Variants in INSR observed in about 807,000 individuals in gnomAD.
INSR encodes the protein IR.
In INSR, 67 loss-of-function variants were observed where a neutral mutation model predicts 142.6. The ratio of observed to expected loss-of-function variants is 0.47; its 90% confidence interval spans 0.39 to 0.58. The LOEUF is 0.58. Among genes scored for constraint, INSR ranks in the 20% least tolerant of loss-of-function variants. The pLI is 0.00. For missense variants in INSR, 1,248 were observed against 1,833.2 expected, an observed-to-expected ratio of 0.68 and a Z score of 5.83; for synonymous variants, 756 against 743.1, an observed-to-expected ratio of 1.02 and a Z score of -0.28.
rs1227754558 is a variant in INSR at position 7,267,278 on chromosome 19, T to C, written c.652+67A>G. 2 of 1,545,644 alleles carry C rather than the reference T, an allele frequency of 1.3e-6. No homozygotes were observed. Among genetic ancestry groups the C allele is most frequent in the African/African-American group, 1.4e-5 (1 of 73,474 alleles). Reference sequence around the variant, plus strand: ...ATGACCATTTAACATTTTTAAGCCATAAAACATTTTAAGCTTTCTAGAACA... The same window carrying C: ...ATGACCATTTAACATTTTTAAGCCACAAAACATTTTAAGCTTTCTAGAACA... On this transcript the variant is annotated intron_variant, in intron 2 of 21. Coordinates refer to ENST00000302850, the MANE Select transcript of INSR (RefSeq NM_000208.4). The surrounding 1 kb of genome is among the most constrained non-coding windows in gnomAD (Gnocchi z 6.3).
In INSR at chr19:7,197,918, AGTGTGTGT is replaced by A. The variant is rs71864058; in HGVS notation, c.653-13289_653-13282del. Among the ~76,000 whole-genome samples the A allele has an allele frequency of 2.5e-3, 253 of 100,276 alleles. 2 individuals are homozygous for A. The highest frequency in any genetic ancestry group is 2.6e-3 in the African/African-American group (65 of 25,280). 65.8% of individuals were successfully genotyped at this position (100,276 alleles called of 152,430 possible). On this transcript the variant is annotated intron_variant, in intron 2 of 21. Transcript: ENST00000302850. ...CAGGATTGGTCGGTTCCAGAGTGAG[AGTGTGTGT>A]GTGTGTGTGTGTGTGTGTGTGTCCC...
At chr19:7,195,920 TTCTTTTC>T (rs1291024714) in intron 2 of INSR, among the ~76,000 whole-genome samples, 13 of 90,746 alleles carry the variant, frequency 1.4e-4, no homozygotes, top group African/African-American at 5.7e-4. Context: ...AGAACTTTCT[TTCTTTTC>T]TTTCTTTTTT....
Position 7,166,221 on chromosome 19 carries a change from G to T in INSR, c.1794C>A (p.Thr598=), listed in dbSNP as rs1381723386. The T allele has an allele frequency of 3.1e-6, 5 of 1,613,940 alleles. No individual in the cohort carries two copies. The African/African-American group carries it at 6.7e-5, about 22-fold the overall frequency. Residue 598 remains threonine (T), a synonymous_variant, in exon 8 of 22, where the codon ACC becomes ACA. Coordinates refer to ENST00000302850, the MANE Select transcript of INSR (RefSeq NM_000208.4). This position sits in a 1 kb window ranked among gnomAD's most constrained non-coding sequence, Gnocchi z 4.1. The part of the protein sequence containing the change: ...QYAIFVKTLV[T]FSDERRTYGA... The stretch of plus-strand genomic sequence containing the variant: ...CATAGGTCCGGCGTTCATCCGAAAA[G>T]GTGACCAGGGTCTTCACAAAGATGG...
At chr19:7,242,174 G>A (rs918211906) in intron 2 of INSR, among the ~76,000 whole-genome samples, 29 of 150,370 alleles carry the variant, frequency 1.9e-4, no homozygotes, top group Non-Finnish European at 3.5e-4. Context: ...AAAGAAGAAG[G>A]AGGAGGAGAA....
chr19:7,206,312 C>T lies in INSR; in HGVS notation c.653-21675G>A, dbSNP rs186675082. Among the ~76,000 whole-genome samples, 319 of 151,464 alleles carry T rather than the reference C, an allele frequency of 2.1e-3. 1 individual carries two copies. The highest frequency in any genetic ancestry group is 7.3e-3 in the African/African-American group (301 of 41,256). ...CCTCCCAAGTAGCTGGGACTACAGGCACACACTTGTGATCCACACTCAGCT... is the reference window on the plus strand; with the variant it reads ...CCTCCCAAGTAGCTGGGACTACAGGTACACACTTGTGATCCACACTCAGCT... On this transcript the variant is annotated intron_variant, in intron 2 of 21. Coordinates refer to ENST00000302850, the MANE Select transcript of INSR (RefSeq NM_000208.4).
At chr19:7,208,524 A>C (rs1975179832) in intron 2 of INSR, among the ~76,000 whole-genome samples, 1 of 152,184 alleles carries the variant, frequency 6.6e-6, no homozygotes. Context: ...AGGCCACACA[A>C]ACCGTCATAA....
intron 13 of INSR, among the ~76,000 whole-genome samples, chr19:7,139,316 T>C (rs998095010): frequency 3.9e-5 from 6 of 152,228 alleles, no homozygotes; most frequent in Non-Finnish European, 4.4e-5. Context: ...AAGAACTGAC[T>C]GAAACAATAA....
chr19:7,201,715 T>C (rs1974960801), intron 2 of INSR, among the ~76,000 whole-genome samples: 1 of 139,358 alleles, frequency 7.2e-6, no homozygotes, highest in Admixed American at 7.2e-5. Flanking sequence ...CAGGCTGGAG[T>C]GCAGTGGCGC....
At chr19:7,204,195 A>T (rs996446407) in intron 2 of INSR, among the ~76,000 whole-genome samples, 1 of 143,894 alleles carries the variant, frequency 6.9e-6, no homozygotes, top group Non-Finnish European at 1.5e-5. Flanking sequence ...GGTGCCCAGC[A>T]CCATGCCCAA....
In INSR at chr19:7,116,700, CAAAAAAAA is replaced by C. The variant is rs71177157; in HGVS notation, c.*348_*355del. On this transcript the variant is annotated 3_prime_UTR_variant, in exon 22 of 22. Coordinates refer to ENST00000302850, the MANE Select transcript of INSR (RefSeq NM_000208.4). ...TTTTATACTGAAGCTCAGACACCAG[CAAAAAAAA>C]AAAAAAAAAAAAAGAATTTGTAAAA... The C allele has an allele frequency of 4.0e-5, 2 of 50,526 alleles. No homozygotes were observed. Among genetic ancestry groups the C allele is most frequent in the East Asian group, 9.3e-4 (1 of 1,074 alleles). 3.1% of individuals were successfully genotyped at this position (50,526 alleles called of 1,614,324 possible).
At chr19:7,214,799 C>T (rs1333766179) in intron 2 of INSR, among the ~76,000 whole-genome samples, 1 of 145,746 alleles carries the variant, frequency 6.9e-6, no homozygotes, top group African/African-American at 2.5e-5. Context: ...TCCCTCCCTC[C>T]CTCCTCCCTC....
rs759020723 is a variant in INSR, at chr19:7,125,354, C to A, written c.3187G>T (p.Ala1063Ser). Residue 1063 changes from alanine to serine, a missense_variant, in exon 17 of 22, where the codon GCC becomes TCC. By Grantham distance (99) the Ala-to-Ser change is moderately conservative. Around this residue, in one of 3 missense-constraint regions of INSR, gnomAD observed 1,069 missense variants for 1,654.0 expected, o/e 0.65. Transcript: ENST00000302850. This position sits in a 1 kb window ranked among gnomAD's most constrained non-coding sequence, Gnocchi z 4.9. ...RVAVKTVNES[A>S]SLRERIEFLN... The stretch of plus-strand genomic sequence containing the variant: ...AACTCAATCCGCTCTCGGAGACTGG[C>A]TGACTCGTTGACCGTCTTCACCGCC... 1.9e-6 allele frequency: 3 copies of A among 1,614,114 alleles called. No individual in the cohort carries two copies. The highest frequency in any genetic ancestry group is 2.5e-6 in the Non-Finnish European group (3 of 1,180,028).
At chr19:7,196,841 A>T (rs1301608356) in intron 2 of INSR, among the ~76,000 whole-genome samples, 1 of 152,222 alleles carries the variant, frequency 6.6e-6, no homozygotes, top group African/African-American at 2.4e-5. Flanking sequence ...AGAAATTTCC[A>T]AACGGAACAG....
At chr19:7,133,117 C>T (rs987981569) in intron 13 of INSR, among the ~76,000 whole-genome samples, 1 of 151,886 alleles carries the variant, frequency 6.6e-6, no homozygotes, top group Admixed American at 6.6e-5. Context: ...GAACAATTAG[C>T]CGGGCACGAT....
chr19:7,166,479 G>A lies in INSR; in HGVS notation c.1611-75C>T. ...CTGAGTGCCGTGCAGATGAGGCCTG[G>A]GAAGTTACATCCCATAGGGTCACAT... On this transcript the variant is annotated intron_variant, in intron 7 of 21. Transcript: ENST00000302850. The surrounding 1 kb of genome is among the most constrained non-coding windows in gnomAD (Gnocchi z 4.1). 1 of 1,529,858 alleles carries A rather than the reference G, an allele frequency of 6.5e-7. No homozygotes were observed. The highest frequency in any genetic ancestry group is 1.2e-5 in the South Asian group (1 of 86,652). 94.8% of individuals were successfully genotyped at this position (1,529,858 alleles called of 1,614,324 possible). A position where few individuals can be genotyped will look rare whatever the true frequency, so the allele number is the denominator to read the frequency against.
rs115777935 is a variant in INSR, at chr19:7,289,182, G to A, written c.100+4610C>T. Among the ~76,000 whole-genome samples, 573 of 152,060 alleles carry A rather than the reference G, an allele frequency of 3.8e-3. 4 individuals carry two copies. The highest frequency in any genetic ancestry group is 0.013 in the African/African-American group (540 of 41,492). ...TGCAGGAGACGCAACTGGGAGATGA[G>A]AGATTAACTTCGAGAGCCATCGGTA... On this transcript the variant is annotated intron_variant, in intron 1 of 21. Transcript: ENST00000302850.
At chr19:7,230,536 G>A (rs1324367830) in intron 2 of INSR, among the ~76,000 whole-genome samples, 2 of 152,186 alleles carry the variant, frequency 1.3e-5, no homozygotes, top group Non-Finnish European at 2.9e-5. Context: ...GCTGGGTGAG[G>A]TGCTTCATGC....
chr19:7,203,468 C>G (rs149433594), intron 2 of INSR, among the ~76,000 whole-genome samples: 1 of 152,034 alleles, frequency 6.6e-6, no homozygotes, highest in African/African-American at 2.4e-5. Context: ...GAAGTGGGAA[C>G]GGGATGAGAG....
At chr19:7,156,297 G>A (rs1973590805) in intron 9 of INSR, among the ~76,000 whole-genome samples, 1 of 151,930 alleles carries the variant, frequency 6.6e-6, no homozygotes. Context: ...CTGACCTCAT[G>A]TGATCTGCCC....
Sources: allele counts gnomAD v4.1 joint callset (sites outside exome capture counted in the v4.1 genomes callset), GRCh38; gene constraint gnomAD v4.1.1; regional missense constraint gnomAD v4.1.1; non-coding constraint Gnocchi (gnomAD v3.1); transcripts MANE v1.5; gene names NCBI Gene and HGNC (gene_info 2026-07-23, HGNC 2026-07-21).